Variants in CDH4 observed in about 807,000 individuals in gnomAD.
The protein encoded by CDH4 is cadherin 4, also known as cadherin-4.
CDH4 carries 33 observed loss-of-function variants against 86.0 expected under a neutral mutation model. The observed-to-expected ratio is 0.38, with a 90% CI of 0.29 to 0.51. The LOEUF (loss-of-function observed/expected upper bound fraction) is 0.51, where lower values mean the gene tolerates loss of function less well. CDH4 is among the 20% of genes least tolerant of loss of function. CDH4 has a pLI of 0.86. For missense variants in CDH4, 1,114 were observed against 1,307.4 expected, an observed-to-expected ratio of 0.85 and a Z score of 2.28; for synonymous variants, 555 against 549.4, an observed-to-expected ratio of 1.01 and a Z score of -0.14.
At chr20:61,781,808 C>T (rs1978561619) in intron 4 of CDH4, among the ~76,000 whole-genome samples, 1 of 152,176 alleles carries the variant, frequency 6.6e-6, no homozygotes, top group African/African-American at 2.4e-5. Context: ...ACGCCGTTCA[C>T]CGATCATAGT....
chr20:61,622,038 C>A (rs1345266855), intron 2 of CDH4, among the ~76,000 whole-genome samples: 1 of 152,248 alleles, frequency 6.6e-6, no homozygotes, highest in Non-Finnish European at 1.5e-5. Context: ...CTCACAGTTG[C>A]GTCTTGCCCT....
Position 61,743,807 on chromosome 20 carries a change from G to C in CDH4, c.396+18G>C, listed in dbSNP as rs375223593. ...GACACAAGGTAAGGTGTGACCGCCC[G>C]GGTCTGCGCTGGAGTTTAGATGACC... On this transcript the variant is annotated intron_variant, in intron 3 of 15. Transcript: ENST00000614565. The C allele has an allele frequency of 3.2e-6, 5 of 1,555,694 alleles. No homozygotes were observed. The Admixed American group carries it at 9.3e-5, about 29-fold the overall frequency.
At chr20:61,854,509 A>AC (rs1411205415) in intron 6 of CDH4, among the ~76,000 whole-genome samples, 5 of 124,828 alleles carry the variant, frequency 4.0e-5, no homozygotes, top group Non-Finnish European at 8.3e-5. Context: ...CCCTTGGTCC[A>AC]CCCCCAGGGG....
chr20:61,328,558 A>C (rs972957187), intron 2 of CDH4, among the ~76,000 whole-genome samples: 3 of 152,194 alleles, frequency 2.0e-5, no homozygotes, highest in Admixed American at 6.5e-5. Flanking sequence ...CCAACACAAG[A>C]GGATTGCTTG....
At chr20:61,646,168 C>T (rs557905757) in intron 2 of CDH4, among the ~76,000 whole-genome samples, 1 of 152,168 alleles carries the variant, frequency 6.6e-6, no homozygotes, top group African/African-American at 2.4e-5. Context: ...GTGATTCCCG[C>T]GGTGGGAAGT....
chr20:61,559,798 TGTGA>T (rs1468921322), intron 2 of CDH4, among the ~76,000 whole-genome samples: 1 of 152,014 alleles, frequency 6.6e-6, no homozygotes, highest in Non-Finnish European at 1.5e-5. Context: ...GGATTATAGG[TGTGA>T]GCCACTGCAC....
At chr20:61,701,631 G>C (rs2087777343) in intron 2 of CDH4, among the ~76,000 whole-genome samples, 1 of 152,226 alleles carries the variant, frequency 6.6e-6, no homozygotes, top group Non-Finnish European at 1.5e-5. Context: ...GGATCAGTTG[G>C]GGGTGGATTG....
intron 4 of CDH4, among the ~76,000 whole-genome samples, chr20:61,842,036 C>G (rs1982202553): frequency 6.6e-6 from 1 of 152,250 alleles, no homozygotes; most frequent in Non-Finnish European, 1.5e-5. Context: ...CTCCATCAGG[C>G]TGAATTCTCT....
chr20:61,593,232 C>T (rs756896098), intron 2 of CDH4, among the ~76,000 whole-genome samples: 7 of 152,242 alleles, frequency 4.6e-5, no homozygotes, highest in East Asian at 1.9e-4. Context: ...ACACTTTGTC[C>T]GTCCTTGCCT....
chr20:61,565,179 TGGTGGTGGTCCTCTTGGTGGTGGTCGC>T (rs1350023679), intron 2 of CDH4, among the ~76,000 whole-genome samples: 2 of 84,658 alleles, frequency 2.4e-5, no homozygotes, highest in Non-Finnish European at 4.9e-5. Flanking sequence ...GGGGTGGTGG[TGGTGGTGGTCCTCTTGGTGGTGGTCGC>T]GGTGCTCTCG....
chr20:61,271,307 G>A (rs1045906042), intron 2 of CDH4, among the ~76,000 whole-genome samples: 17 of 152,208 alleles, frequency 1.1e-4, no homozygotes, highest in Admixed American at 5.9e-4. Flanking sequence ...GGAGAGCCTG[G>A]CTTCCGAAAT....
intron 8 of CDH4, among the ~76,000 whole-genome samples, chr20:61,908,618 C>CCTTCTCCGTTTCCCACA (rs2054817564): frequency 2.0e-5 from 3 of 152,158 alleles, no homozygotes; most frequent in African/African-American, 7.2e-5. Flanking sequence ...CGTTTCCCAC[C>CCTTCTCCGTTTCCCACA]CCTTCTCCGT....
chr20:61,905,649 C>T (rs540834515), intron 8 of CDH4, among the ~76,000 whole-genome samples: 1 of 152,304 alleles, frequency 6.6e-6, no homozygotes, highest in East Asian at 1.9e-4. Flanking sequence ...CTCCAAAGCT[C>T]AAGGAATCTC....
chr20:61,815,106 T>C (rs1303137762), intron 4 of CDH4, among the ~76,000 whole-genome samples: 1 of 152,198 alleles, frequency 6.6e-6, no homozygotes, highest in East Asian at 1.9e-4. Context: ...TAACTTGGGT[T>C]CCCTTTAATA....
Position 61,647,234 on chromosome 20 carries a change from C to T in CDH4, c.170-96329C>T, listed in dbSNP as rs1304417881. Among the ~76,000 whole-genome samples, 22 of 152,210 alleles carry T rather than the reference C, an allele frequency of 1.4e-4. No individual in the cohort carries two copies. The South Asian group carries it at 2.1e-3, about 14-fold the overall frequency. ...CTTGGGTAGGATCAGGGTCTCATGC[C>T]CCAGGTGATTGGATCCAGAGCCACC... is the stretch of plus-strand genomic sequence containing the variant. On this transcript the variant is annotated intron_variant, in intron 2 of 15. Transcript: ENST00000614565.
intron 5 of CDH4, among the ~76,000 whole-genome samples, chr20:61,851,102 C>T (rs575402239): frequency 1.3e-3 from 197 of 152,304 alleles, no homozygotes; most frequent in African/African-American, 4.6e-3. Context: ...GGAGTCTGCC[C>T]GCGACGGGGC....
At chr20:61,503,556 TCTC>T (rs1269507373) in intron 2 of CDH4, among the ~76,000 whole-genome samples, 1 of 152,122 alleles carries the variant, frequency 6.6e-6, no homozygotes, top group East Asian at 1.9e-4. Flanking sequence ...TGACCCTAAA[TCTC>T]CTCAAGTCTC....
chr20:61,831,219 A>T (rs1322634752), intron 4 of CDH4, among the ~76,000 whole-genome samples: 2 of 152,350 alleles, frequency 1.3e-5, no homozygotes, highest in Admixed American at 6.5e-5. Context: ...CACTGGGAAC[A>T]TGCCCTGCAC....
chr20:61,803,937 C>T (rs1284750240), intron 4 of CDH4, among the ~76,000 whole-genome samples: 5 of 152,266 alleles, frequency 3.3e-5, no homozygotes, highest in Admixed American at 6.5e-5. Context: ...GAGGCGGTGC[C>T]GAGACGGCGG....
Sources: gnomAD v4.1 joint callset for allele counts (sites outside exome capture counted in the v4.1 genomes callset) on GRCh38, gnomAD v4.1.1 for gene constraint, MANE v1.5 for transcripts, NCBI Gene and HGNC (gene_info 2026-07-23, HGNC 2026-07-21) for gene names.